Variants in MKLN1 observed in about 807,000 individuals in gnomAD.
MKLN1 encodes muskelin.
In MKLN1, 18 loss-of-function variants were observed where a neutral mutation model predicts 99.0. That is an observed-to-expected ratio of 0.18 (90% CI 0.13 to 0.27). MKLN1 has a LOEUF of 0.27. Among genes scored for constraint, MKLN1 ranks in the 10% least tolerant of loss-of-function variants. The pLI is 1.00. For synonymous variants in MKLN1, 288 were observed against 293.2 expected (o/e 0.98, Z 0.18); for missense variants, 621 against 875.9 (o/e 0.71, Z 3.67).
intron 1 of MKLN1, among the ~76,000 whole-genome samples, chr7:131,351,316 T>TTGTTGAAGAAATCAGGTCATTTG (rs1207338322): frequency 2.6e-5 from 4 of 152,154 alleles, no homozygotes; most frequent in Non-Finnish European, 5.9e-5. Context: ...ATCCATTGAT[T>TTGTTGAAGAAATCAGGTCATTTG]TGTTGAAGAA....
rs3800676 is a variant in MKLN1 at position 131,388,657 on chromosome 7, T to C, written c.312-227T>C. ...GCTACATTCTTTATAATACTGAACA[T>C]TTTTCATTAATCCTCGTATAATTAA... On this transcript the variant is annotated intron_variant, in intron 3 of 17. Transcript: ENST00000352689. Among the ~76,000 whole-genome samples, 35 of 152,320 alleles carry C rather than the reference T, an allele frequency of 2.3e-4. No homozygotes were observed. The East Asian group carries it at 6.0e-3, about 26-fold the overall frequency.
At chr7:131,132,374 C>A (rs1456795889) in intron 1 of MKLN1, among the ~76,000 whole-genome samples, 3 of 152,184 alleles carry the variant, frequency 2.0e-5, no homozygotes, top group African/African-American at 7.2e-5. Context: ...TTAAAAGGGA[C>A]TTTGACAGAC....
At chr7:131,308,916 A>T (rs1269433983) in intron 3 of MKLN1, among the ~76,000 whole-genome samples, 2 of 152,190 alleles carry the variant, frequency 1.3e-5, no homozygotes, top group African/African-American at 4.8e-5. Flanking sequence ...GTGAGAATGG[A>T]CGAATACAGA....
At chr7:131,135,814 AGAT>A (rs1457926437) in intron 1 of MKLN1, among the ~76,000 whole-genome samples, 1 of 152,234 alleles carries the variant, frequency 6.6e-6, no homozygotes, top group East Asian at 1.9e-4. Flanking sequence ...ATGATGAAGT[AGAT>A]GCTTGTTGAA....
chr7:131,247,577 C>G (rs1393260843), intron 3 of MKLN1, among the ~76,000 whole-genome samples: 1 of 152,102 alleles, frequency 6.6e-6, no homozygotes, highest in African/African-American at 2.4e-5. Context: ...CCCTCAAATA[C>G]AATTATACCT....
chr7:131,366,412 T>C (rs930566852), intron 1 of MKLN1, among the ~76,000 whole-genome samples: 5 of 152,172 alleles, frequency 3.3e-5, no homozygotes, highest in Non-Finnish European at 7.4e-5. Context: ...AATTTAAAGT[T>C]GGCGGGGCTT....
chr7:131,113,693 C>T (rs546730005), intron 1 of MKLN1, among the ~76,000 whole-genome samples: 3 of 151,090 alleles, frequency 2.0e-5, no homozygotes, highest in Non-Finnish European at 4.4e-5. Flanking sequence ...AAAAATTAGC[C>T]AGGCCTGGTG....
chr7:131,336,484 A>G (rs1269476330), intron 1 of MKLN1, among the ~76,000 whole-genome samples: 2 of 151,806 alleles, frequency 1.3e-5, no homozygotes, highest in African/African-American at 2.4e-5. Context: ...TGTTTGTCCT[A>G]CTTGTTCTAT....
In MKLN1 at chr7:131,469,763, A is replaced by C. The variant is rs112927052; in HGVS notation, c.1929-1079A>C. Among the ~76,000 whole-genome samples, 841 of 152,326 alleles carry C rather than the reference A, an allele frequency of 5.5e-3. 10 individuals carry two copies. Among genetic ancestry groups the C allele is most frequent in the African/African-American group, 0.019 (805 of 41,570 alleles). Reference sequence around the variant, plus strand: ...CGTATTAGAAATAAACCTGTATGTAATTATGGTATAACAGAGACGTTATCT... The same window carrying C: ...CGTATTAGAAATAAACCTGTATGTACTTATGGTATAACAGAGACGTTATCT... On this transcript the variant is annotated intron_variant, in intron 15 of 17. Transcript: ENST00000352689.
At chr7:131,215,936 G>A (rs1796974989) in intron 3 of MKLN1, among the ~76,000 whole-genome samples, 1 of 152,150 alleles carries the variant, frequency 6.6e-6, no homozygotes, top group Non-Finnish European at 1.5e-5. Flanking sequence ...GGTTCAAGCA[G>A]TGAACCTGGT....
chr7:131,363,464 G>A (rs1800087881), intron 1 of MKLN1, among the ~76,000 whole-genome samples: 1 of 151,994 alleles, frequency 6.6e-6, no homozygotes, highest in African/African-American at 2.4e-5. Flanking sequence ...TTTCATGAAA[G>A]TAAGAGAGTA....
At chr7:131,227,495 C>CTCTCTCTTTCTTTCTTTCTTTCTT (rs1554539894) in intron 3 of MKLN1, among the ~76,000 whole-genome samples, 16 of 115,708 alleles carry the variant, frequency 1.4e-4, no homozygotes, top group Non-Finnish European at 1.0e-4. Flanking sequence ...CTCTTTCTTT[C>CTCTCTCTTTCTTTCTTTCTTTCTT]TCTTTCTTTC....
At chr7:131,226,589 T>C (rs1194735247) in intron 3 of MKLN1, among the ~76,000 whole-genome samples, 1 of 152,176 alleles carries the variant, frequency 6.6e-6, no homozygotes, top group Non-Finnish European at 1.5e-5. Context: ...AGGAAGGAAA[T>C]GAAAGGAATT....
At chr7:131,116,926 G>A (rs1037287402) in intron 1 of MKLN1, among the ~76,000 whole-genome samples, 9 of 152,096 alleles carry the variant, frequency 5.9e-5, no homozygotes, top group Admixed American at 1.3e-4. Context: ...TGGGTATCAC[G>A]TCTATGGAGG....
intron 1 of MKLN1, among the ~76,000 whole-genome samples, chr7:131,333,080 C>T (rs950370886): frequency 3.3e-5 from 5 of 152,098 alleles, no homozygotes; most frequent in East Asian, 1.9e-4. Flanking sequence ...TGCACCACCA[C>T]GTCTGGTTAA....
chr7:131,225,890 A>G lies in MKLN1; in HGVS notation c.-179+22916A>G, dbSNP rs533864785. Among the ~76,000 whole-genome samples the G allele has an allele frequency of 5.9e-5, 9 of 152,284 alleles. No individual in the cohort carries two copies. In the East Asian group the frequency reaches 1.7e-3, roughly 29 times the overall value. ...CACTTTTGACCCAAGAAGGGAAAAA[A>G]GGTATAAACAGAGGAGCTAGAGCAG... On this transcript the variant is annotated intron_variant, in intron 3 of 7. Coordinates refer to the MKLN1 transcript ENST00000416992.
intron 3 of MKLN1, among the ~76,000 whole-genome samples, chr7:131,284,615 T>C (rs1798105813): frequency 6.6e-6 from 1 of 152,212 alleles, no homozygotes; most frequent in Admixed American, 6.5e-5. Flanking sequence ...TGGGCTGTAG[T>C]TGATCTAAAG....
At chr7:131,479,429 T>C (rs1797057036) in intron 17 of MKLN1, among the ~76,000 whole-genome samples, 1 of 152,038 alleles carries the variant, frequency 6.6e-6, no homozygotes, top group South Asian at 2.1e-4. Context: ...ACCTAGGAGG[T>C]TGAAGTGGGA....
intron 3 of MKLN1, among the ~76,000 whole-genome samples, chr7:131,297,691 G>A: frequency 6.6e-6 from 1 of 152,138 alleles, no homozygotes. Flanking sequence ...GTCAATCAGT[G>A]CTCCTTATGA....
Sources: allele counts gnomAD v4.1 joint callset (sites outside exome capture counted in the v4.1 genomes callset), GRCh38; gene constraint gnomAD v4.1.1; transcripts MANE v1.5; gene names NCBI Gene and HGNC (gene_info 2026-07-23, HGNC 2026-07-21).